Variants in SYN3 observed in about 807,000 individuals in gnomAD.
The protein encoded by SYN3 is synapsin III, also known as synapsin-3.
A neutral mutation model predicts 65.8 loss-of-function variants in SYN3; 35 were observed. That is an observed-to-expected ratio of 0.53 (90% CI 0.41 to 0.70). SYN3 has a LOEUF of 0.70. SYN3 is among the 30% of genes least tolerant of loss of function. SYN3 has a pLI of 0.00. For missense variants in SYN3, 680 were observed against 749.0 expected (o/e 0.91, Z 1.08); for synonymous variants, 270 against 292.9 (o/e 0.92, Z 0.80).
chr22:32,816,395 C>A (rs2047089630), intron 6 of SYN3, among the ~76,000 whole-genome samples: 1 of 152,120 alleles, frequency 6.6e-6, no homozygotes, highest in Non-Finnish European at 1.5e-5. Flanking sequence ...TGGGTGAGCA[C>A]TTAGCCAGTA....
chr22:32,885,831 G>T (rs1158652562), intron 4 of SYN3, among the ~76,000 whole-genome samples: 1 of 152,150 alleles, frequency 6.6e-6, no homozygotes, highest in African/African-American at 2.4e-5. Context: ...AAAGTGCTGG[G>T]ATTACAGGCA....
intron 7 of SYN3, among the ~76,000 whole-genome samples, chr22:32,566,344 G>T (rs1237181660): frequency 6.6e-6 from 1 of 152,142 alleles, no homozygotes; most frequent in Non-Finnish European, 1.5e-5. Flanking sequence ...TACCAAACTG[G>T]ACAGTGCAAG....
At chr22:32,881,193 G>A (rs968531897) in intron 4 of SYN3, among the ~76,000 whole-genome samples, 3 of 152,240 alleles carry the variant, frequency 2.0e-5, no homozygotes, top group African/African-American at 7.2e-5. Flanking sequence ...CCTCGGCAGC[G>A]GCTGGAACGG....
intron 6 of SYN3, among the ~76,000 whole-genome samples, chr22:32,650,218 TC>T: frequency 8.5e-6 from 1 of 118,194 alleles, no homozygotes; most frequent in African/African-American, 4.6e-5. Flanking sequence ...CTTTTCTTTC[TC>T]TCTCTCTCTC....
At chr22:32,950,424 T>G (rs1358586284) in intron 3 of SYN3, among the ~76,000 whole-genome samples, 1 of 152,174 alleles carries the variant, frequency 6.6e-6, no homozygotes, top group Non-Finnish European at 1.5e-5. Flanking sequence ...ACGTGTCTGT[T>G]GATCTGGGTG....
At chr22:32,930,381 G>A (rs1481604436) in intron 4 of SYN3, among the ~76,000 whole-genome samples, 4 of 152,134 alleles carry the variant, frequency 2.6e-5, no homozygotes, top group Non-Finnish European at 4.4e-5. Flanking sequence ...ACCTTCCACC[G>A]TGATTGTGAG....
intron 6 of SYN3, among the ~76,000 whole-genome samples, chr22:32,646,091 C>T (rs550512843): frequency 2.4e-4 from 37 of 152,166 alleles, no homozygotes; most frequent in African/African-American, 6.7e-4. Flanking sequence ...GATGGAGCCG[C>T]GGAAAGGGTG....
intron 6 of SYN3, among the ~76,000 whole-genome samples, chr22:32,817,231 T>A (rs940386126): frequency 2.0e-5 from 3 of 147,712 alleles, no homozygotes; most frequent in East Asian, 4.0e-4. Flanking sequence ...AAAAAAAAAA[T>A]GTTATTTGGG....
intron 6 of SYN3, among the ~76,000 whole-genome samples, chr22:32,849,963 A>T (rs181201743): frequency 2.0e-5 from 3 of 152,004 alleles, no homozygotes; most frequent in Non-Finnish European, 4.4e-5. Flanking sequence ...TACAGGTTTC[A>T]TGCAGCCACT....
intron 6 of SYN3, among the ~76,000 whole-genome samples, chr22:32,660,926 A>G (rs2060208194): frequency 6.6e-6 from 1 of 152,226 alleles, no homozygotes; most frequent in East Asian, 1.9e-4. Flanking sequence ...AAATTGCAAG[A>G]TGGGAGACTG....
chr22:32,528,501 C>A (rs1601568574), intron 11 of SYN3, among the ~76,000 whole-genome samples: 1 of 152,170 alleles, frequency 6.6e-6, no homozygotes, highest in African/African-American at 2.4e-5. Context: ...CCTGGGAGCA[C>A]ACAGAGGGCT....
chr22:32,969,024 T>A (rs2051933081), intron 3 of SYN3, among the ~76,000 whole-genome samples: 1 of 152,214 alleles, frequency 6.6e-6, no homozygotes, highest in Admixed American at 6.5e-5. Context: ...GTCCACTTAA[T>A]TTCCACTGGA....
At chr22:32,881,230 G>C (rs2049125892) in intron 4 of SYN3, among the ~76,000 whole-genome samples, 2 of 152,198 alleles carry the variant, frequency 1.3e-5, no homozygotes. Context: ...GTGGAGGAGA[G>C]AGGAGTGGGG....
chr22:32,861,568 A>C (rs1415928071), intron 6 of SYN3: 1 of 152,284 alleles, frequency 6.6e-6, no homozygotes, highest in Non-Finnish European at 1.5e-5. Context: ...GGCCATTCGC[A>C]CTCCCTGGTG....
intron 1 of SYN3, among the ~76,000 whole-genome samples, chr22:33,033,486 T>G (rs1326015649): frequency 2.0e-5 from 3 of 152,142 alleles, no homozygotes; most frequent in Non-Finnish European, 4.4e-5. Flanking sequence ...AACTACGCAC[T>G]TCTTCCATTA....
intron 6 of SYN3, among the ~76,000 whole-genome samples, chr22:32,603,151 G>C (rs570265171): frequency 9.2e-5 from 14 of 151,858 alleles, no homozygotes; most frequent in Non-Finnish European, 2.1e-4. Flanking sequence ...ATGTAAGAAG[G>C]GCCAGGAACG....
At chr22:32,570,157 A>G (rs2058739770) in intron 7 of SYN3, among the ~76,000 whole-genome samples, 1 of 152,104 alleles carries the variant, frequency 6.6e-6, no homozygotes, top group South Asian at 2.1e-4. Flanking sequence ...ACCTCCCTCC[A>G]CACACACTGC....
intron 4 of SYN3, among the ~76,000 whole-genome samples, chr22:32,899,170 A>T (rs1041900240): frequency 2.0e-5 from 3 of 147,436 alleles, no homozygotes; most frequent in African/African-American, 7.5e-5. Flanking sequence ...AGATTAACCA[A>T]GGTAAGTTAT....
At chr22:33,050,375 C>A (rs910235135) in intron 1 of SYN3, among the ~76,000 whole-genome samples, 1 of 149,068 alleles carries the variant, frequency 6.7e-6, no homozygotes, top group African/African-American at 2.5e-5. Flanking sequence ...CCCAGCTACT[C>A]GGGAGGCTGA....
Sources: gnomAD v4.1 joint callset for allele counts (sites outside exome capture counted in the v4.1 genomes callset) on GRCh38, gnomAD v4.1.1 for gene constraint, MANE v1.5 for transcripts, NCBI Gene and HGNC (gene_info 2026-07-23, HGNC 2026-07-21) for gene names.